The following IMMP2L variants were observed in gnomAD, a reference collection of about 807,000 sequenced individuals.
IMMP2L encodes the protein mitochondrial inner membrane protease subunit 2.
Under a neutral mutation model 19.3 loss-of-function variants are expected in IMMP2L, and 18 were observed. The ratio of observed to expected loss-of-function variants is 0.93; its 90% CI spans 0.64 to 1.38. IMMP2L has a LOEUF of 1.38. Ranked by LOEUF, IMMP2L falls within the 40% of genes most tolerant of loss-of-function variation. The pLI is 0.00. For missense variants in IMMP2L, 233 were observed against 218.2 expected, an observed-to-expected ratio of 1.07 and a Z score of -0.43; for synonymous variants, 76 against 73.0, an observed-to-expected ratio of 1.04 and a Z score of -0.21.
At chr7:111,490,555 C>A (rs1320586523) in intron 2 of IMMP2L, among the ~76,000 whole-genome samples, 3 of 152,000 alleles carry the variant, frequency 2.0e-5, no homozygotes, top group Non-Finnish European at 4.4e-5. Context: ...CTACTTCTGG[C>A]ACGTTTTCTT....
intron 3 of IMMP2L, among the ~76,000 whole-genome samples, chr7:111,015,569 T>C (rs1157309836): frequency 6.6e-6 from 1 of 151,890 alleles, no homozygotes. Context: ...TTCACCACAA[T>C]AGAAAAAAGG....
intron 1 of IMMP2L, among the ~76,000 whole-genome samples, chr7:111,552,079 A>G (rs1312806577): frequency 1.3e-5 from 2 of 152,052 alleles, no homozygotes; most frequent in Non-Finnish European, 2.9e-5. Context: ...TACTACTTCT[A>G]CACCAGAGAT....
intron 3 of IMMP2L, among the ~76,000 whole-genome samples, chr7:111,237,071 C>G (rs1586967196): frequency 6.6e-6 from 1 of 152,096 alleles, no homozygotes; most frequent in East Asian, 1.9e-4. Context: ...TAATAATTTT[C>G]AAATGGACAA....
chr7:111,127,846 T>A (rs190048972), intron 3 of IMMP2L, among the ~76,000 whole-genome samples: 1 of 152,214 alleles, frequency 6.6e-6, no homozygotes, highest in African/African-American at 2.4e-5. Flanking sequence ...ACATATTTTA[T>A]AATTGATACT....
intron 3 of IMMP2L, among the ~76,000 whole-genome samples, chr7:110,964,610 C>A (rs919388714): frequency 6.6e-6 from 1 of 151,988 alleles, no homozygotes; most frequent in African/African-American, 2.4e-5. Context: ...TAAATCTCTG[C>A]CTCTCCTGGT....
chr7:110,915,791 A>G (rs1813544646), intron 4 of IMMP2L, among the ~76,000 whole-genome samples: 2 of 151,260 alleles, frequency 1.3e-5, no homozygotes, highest in South Asian at 4.1e-4. Context: ...AAAACATTAT[A>G]CTGCAAAAAA....
At position 111,532,082 on chromosome 7, in the gene IMMP2L, G is replaced by C. The variant is rs184934851; in HGVS notation, c.-2-10633C>G. Among the ~76,000 whole-genome samples the C allele has an allele frequency of 1.1e-4, 17 of 152,002 alleles. 1 individual carries two copies. Among genetic ancestry groups the C allele is most frequent in the African/African-American group, 3.9e-4 (16 of 41,488 alleles). On this transcript the variant is annotated intron_variant, in intron 1 of 5. Coordinates refer to ENST00000405709, the MANE Select transcript of IMMP2L (RefSeq NM_032549.4). ...AGTGAGATAGGGGAAATAAGAAAAA[G>C]GTAGTAACACTCAGAACCTAAAAAA...
intron 5 of IMMP2L, among the ~76,000 whole-genome samples, chr7:110,715,053 G>A (rs1795148601): frequency 6.6e-6 from 1 of 152,148 alleles, no homozygotes; most frequent in South Asian, 2.1e-4. Context: ...TAGTTTGTGT[G>A]CATATAGGTG....
intron 2 of IMMP2L, among the ~76,000 whole-genome samples, chr7:111,519,550 C>T (rs1846160179): frequency 6.6e-6 from 1 of 152,126 alleles, no homozygotes; most frequent in African/African-American, 2.4e-5. Flanking sequence ...CATGAACCGA[C>T]ATTTAGAAAT....
chr7:110,680,892 A>G (rs1200586899), intron 5 of IMMP2L, among the ~76,000 whole-genome samples: 2 of 152,112 alleles, frequency 1.3e-5, no homozygotes, highest in Non-Finnish European at 2.9e-5. Context: ...AGTGTCCAGA[A>G]ACACCAATCG....
chr7:111,205,651 T>C (rs982393197), intron 3 of IMMP2L, among the ~76,000 whole-genome samples: 1 of 151,892 alleles, frequency 6.6e-6, no homozygotes, highest in African/African-American at 2.4e-5. Flanking sequence ...TAAAAATTAA[T>C]AATAACAAAA....
At chr7:111,461,407 C>T (rs1840126724) in intron 3 of IMMP2L, among the ~76,000 whole-genome samples, 2 of 152,010 alleles carry the variant, frequency 1.3e-5, no homozygotes, top group Non-Finnish European at 2.9e-5. Flanking sequence ...CACACACATA[C>T]ACGCACACGC....
intron 3 of IMMP2L, among the ~76,000 whole-genome samples, chr7:111,463,310 TG>T (rs901351926): frequency 3.9e-5 from 6 of 152,010 alleles, no homozygotes; most frequent in African/African-American, 9.7e-5. Context: ...TCAACTTTTC[TG>T]GGGGGGATCC....
intron 1 of IMMP2L, among the ~76,000 whole-genome samples, chr7:111,551,661 A>C (rs760646742): frequency 6.6e-6 from 1 of 151,986 alleles, no homozygotes; most frequent in Non-Finnish European, 1.5e-5. Context: ...AGACAGGCTC[A>C]AAGATGGTTC....
chr7:110,739,743 AC>A (rs1450165267), intron 5 of IMMP2L, among the ~76,000 whole-genome samples: 18 of 152,288 alleles, frequency 1.2e-4, no homozygotes, highest in African/African-American at 3.4e-4. Flanking sequence ...ATTCTACCCA[AC>A]AACTGCAGAA....
intron 3 of IMMP2L, among the ~76,000 whole-genome samples, chr7:111,241,457 C>T (rs950467704): frequency 6.6e-6 from 1 of 151,866 alleles, no homozygotes; most frequent in African/African-American, 2.4e-5. Flanking sequence ...GATGCAAATT[C>T]TGGCTCTAGA....
At chr7:111,030,880 GTGTGTATA>G (rs1289645141) in intron 3 of IMMP2L, among the ~76,000 whole-genome samples, 3 of 17,182 alleles carry the variant, frequency 1.7e-4, no homozygotes, top group East Asian at 1.7e-3. Context: ...GTGTGTGTGT[GTGTGTATA>G]TATATATATA....
At chr7:111,271,876 C>T (rs936087223) in intron 3 of IMMP2L, among the ~76,000 whole-genome samples, 1 of 152,172 alleles carries the variant, frequency 6.6e-6, no homozygotes, top group Non-Finnish European at 1.5e-5. Context: ...TTCTTAACTA[C>T]TTTCTCTCTC....
In IMMP2L at chr7:110,686,540, A is replaced by G. The variant is rs1793128328; in HGVS notation, c.409-22819T>C. 2.0e-5 allele frequency among the ~76,000 whole-genome samples: 3 copies of G among 151,984 alleles called. No homozygotes were observed. In the South Asian group the frequency reaches 6.2e-4, roughly 31 times the overall value. The stretch of plus-strand genomic sequence containing the variant: ...TATACAAACAAAATGCAGGTATCAC[A>G]CCAGATCATATTCAGTTGTCTCAAC... On this transcript the variant is annotated intron_variant, in intron 5 of 5. Coordinates refer to ENST00000405709, the MANE Select transcript of IMMP2L (RefSeq NM_032549.4).
Sources: allele counts gnomAD v4.1 joint callset (sites outside exome capture counted in the v4.1 genomes callset), GRCh38; gene constraint gnomAD v4.1.1; transcripts MANE v1.5; gene names NCBI Gene and HGNC (gene_info 2026-07-23, HGNC 2026-07-21).